Variants in ZPLD1 observed in about 807,000 individuals in gnomAD.
The protein encoded by ZPLD1 is zona pellucida-like domain-containing protein 1.
ZPLD1 carries 34 observed loss-of-function variants against 47.2 expected under a neutral mutation model. That is an observed-to-expected ratio of 0.72 (90% CI 0.55 to 0.96). The LOEUF is 0.96. Among genes scored for constraint, ZPLD1 ranks in the 40% least tolerant of loss-of-function variants. The probability of loss-of-function intolerance (pLI) is 0.00; values close to 1 mark genes in which losing one functional copy is unlikely to be tolerated. For synonymous variants in ZPLD1, 176 were observed against 186.2 expected (o/e 0.95, Z 0.45); for missense variants, 512 against 505.8 (o/e 1.01, Z -0.12).
chr3:102,427,291 G>C (rs1482129563), intron 8 of ZPLD1, among the ~76,000 whole-genome samples: 1 of 151,966 alleles, frequency 6.6e-6, no homozygotes, highest in East Asian at 1.9e-4. Context: ...ATTTTTGTCT[G>C]GAAGGAAGGA....
Position 102,456,349 on chromosome 3 carries a change from C to G in ZPLD1, c.484C>G (p.Leu162Val). Reference sequence around the variant, plus strand: ...TAGTTGTAGTTATCCATTGGAATACCTGGTTAATAATACCCAGCTTGCTTC... The same window carrying G: ...TAGTTGTAGTTATCCATTGGAATACGTGGTTAATAATACCCAGCTTGCTTC... ...KFSCSYPLEY[L>V]VNNTQLASSS... Residue 162 changes from leucine (L) to valine (V), a missense_variant, in exon 5 of 12, where the codon CTG becomes GTG. Leu to Val is a conservative substitution (Grantham distance 32). Coordinates refer to ENST00000466937, the MANE Select transcript of ZPLD1 (RefSeq NM_001329788.2). 1 of 1,612,302 alleles carries G rather than the reference C, an allele frequency of 6.2e-7. No individual in the cohort carries two copies. Among genetic ancestry groups the G allele is most frequent in the Non-Finnish European group, 8.5e-7 (1 of 1,179,276 alleles).
chr3:102,438,582 G>C lies in ZPLD1; in HGVS notation c.95G>C (p.Ser32Thr). Residue 32 changes from serine (S) to threonine (T), a missense_variant, in exon 3 of 12, where the codon AGT (serine) becomes ACT (threonine). Transcript: ENST00000466937. The part of the protein sequence containing the change: ...NGYNCDANLH[S>T]RFPAERDISV... Reference sequence around the variant, plus strand: ...TACAACTGTGATGCCAACCTCCACAGTAGATTTCCTGGTAAGTGTAAGCCT... The same window carrying C: ...TACAACTGTGATGCCAACCTCCACACTAGATTTCCTGGTAAGTGTAAGCCT... 1 of 1,612,592 alleles carries C rather than the reference G, an allele frequency of 6.2e-7. No homozygotes were observed.
intron 8 of ZPLD1, among the ~76,000 whole-genome samples, chr3:102,420,990 C>T (rs1374850523): frequency 6.6e-6 from 1 of 151,788 alleles, no homozygotes; most frequent in Non-Finnish European, 1.5e-5. Flanking sequence ...ATAAAAGTCA[C>T]CTAAGGCCAA....
rs1000445263 is a variant in ZPLD1 at position 102,421,134 on chromosome 3, G to A, written c.-9+2927G>A. On this transcript the variant is annotated intron_variant, in intron 8 of 17. Coordinates refer to the ZPLD1 transcript ENST00000491959. ...CAAAAAGTAAGAGAGACTGAAGACC[G>A]CTTATTGTCATCTATTAGAATTTAA... Among the ~76,000 whole-genome samples, 8 of 151,868 alleles carry A rather than the reference G, an allele frequency of 5.3e-5. No individual in the cohort carries two copies. In the East Asian group the frequency reaches 1.4e-3, roughly 26 times the overall value.
At chr3:102,397,161 T>A (rs1706567473) in intron 7 of ZPLD1, among the ~76,000 whole-genome samples, 1 of 152,082 alleles carries the variant, frequency 6.6e-6, no homozygotes, top group Admixed American at 6.5e-5. Context: ...TTGATTACAG[T>A]CAGAAAAAAA....
At chr3:102,416,921 T>C (rs1201518079) in intron 7 of ZPLD1, among the ~76,000 whole-genome samples, 1 of 151,980 alleles carries the variant, frequency 6.6e-6, no homozygotes, top group Non-Finnish European at 1.5e-5. Flanking sequence ...TAGAAGGCAA[T>C]GTGAATTGCT....
At chr3:102,402,807 T>C (rs1436407801) in intron 7 of ZPLD1, among the ~76,000 whole-genome samples, 1 of 152,000 alleles carries the variant, frequency 6.6e-6, no homozygotes, top group Non-Finnish European at 1.5e-5. Flanking sequence ...GTCTGCATTG[T>C]TAAATGTCAA....
At chr3:102,476,620 G>A (rs1190597071) in intron 10 of ZPLD1, among the ~76,000 whole-genome samples, 1 of 152,088 alleles carries the variant, frequency 6.6e-6, no homozygotes, top group African/African-American at 2.4e-5. Context: ...ATAACAAATA[G>A]CAGGTTATAG....
At chr3:102,408,492 A>G (rs1706716860) in intron 7 of ZPLD1, among the ~76,000 whole-genome samples, 2 of 151,870 alleles carry the variant, frequency 1.3e-5, no homozygotes, top group Non-Finnish European at 2.9e-5. Flanking sequence ...TAGCGAATAG[A>G]TATTAGGAGG....
chr3:102,406,026 T>G (rs143913581), intron 7 of ZPLD1, among the ~76,000 whole-genome samples: 3,624 of 152,108 alleles, frequency 0.024, 152 homozygotes, highest in African/African-American at 0.083. Context: ...TAACTGTCTT[T>G]GGAAATGTAA....
rs115685249 is a variant in ZPLD1 at position 102,416,243 on chromosome 3, A to G, written c.-156-1817A>G. ...TCAGCTACTTTATCTCAACTATTTTATATTTTCCTTGCTGAAAGCCTGTAA... is the reference window on the plus strand; with the variant it reads ...TCAGCTACTTTATCTCAACTATTTTGTATTTTCCTTGCTGAAAGCCTGTAA... On this transcript the variant is annotated intron_variant, in intron 7 of 17. Transcript: ENST00000491959. Among the ~76,000 whole-genome samples, 946 of 152,048 alleles carry G rather than the reference A, an allele frequency of 6.2e-3. 9 individuals are homozygous for G. Among genetic ancestry groups the G allele is most frequent in the African/African-American group, 0.021 (893 of 41,536 alleles).
chr3:102,402,264 C>G (rs1248480918), intron 7 of ZPLD1, among the ~76,000 whole-genome samples: 1 of 151,974 alleles, frequency 6.6e-6, no homozygotes, highest in African/African-American at 2.4e-5. Context: ...TTTTAAATCA[C>G]TTAAATATCT....
intron 7 of ZPLD1, among the ~76,000 whole-genome samples, chr3:102,394,144 G>C (rs758347302): frequency 6.6e-6 from 1 of 152,104 alleles, no homozygotes; most frequent in Admixed American, 6.6e-5. Context: ...CTGTAACATT[G>C]GTTCATAAAA....
At chr3:102,434,913 AC>A (rs1707063760), upstream of ZPLD1, 8 of 544,766 alleles carry the variant, frequency 1.5e-5, no homozygotes, top group Non-Finnish European at 3.3e-6. Flanking sequence ...ACTCCACTAA[AC>A]CTTTATAACC....
intron 7 of ZPLD1, among the ~76,000 whole-genome samples, chr3:102,410,475 A>T (rs974199456): frequency 6.6e-6 from 1 of 151,608 alleles, no homozygotes. Flanking sequence ...TCAAAAAAAC[A>T]TTGCTCAAAA....
At chr3:102,389,285 C>T (rs1285827655) in intron 6 of ZPLD1, among the ~76,000 whole-genome samples, 1 of 152,152 alleles carries the variant, frequency 6.6e-6, no homozygotes, top group Non-Finnish European at 1.5e-5. Flanking sequence ...AAAAGATCAA[C>T]ACATATGGTT....
At chr3:102,422,786 G>A (rs1307959133) in intron 8 of ZPLD1, among the ~76,000 whole-genome samples, 4 of 151,880 alleles carry the variant, frequency 2.6e-5, no homozygotes, top group Non-Finnish European at 4.4e-5. Flanking sequence ...ATAGGGAATA[G>A]AAACATGTGA....
At chr3:102,390,942 A>C (rs573990143) in intron 6 of ZPLD1, among the ~76,000 whole-genome samples, 1 of 152,312 alleles carries the variant, frequency 6.6e-6, no homozygotes, top group Admixed American at 6.5e-5. Context: ...CCAAGAAAAA[A>C]AAAATGTCAG....
chr3:102,409,900 A>G (rs1024310054), intron 7 of ZPLD1, among the ~76,000 whole-genome samples: 1 of 151,818 alleles, frequency 6.6e-6, no homozygotes, highest in African/African-American at 2.4e-5. Context: ...CTCAGAAAGC[A>G]TAGGGGATAA....
Sources: gnomAD v4.1 joint callset for allele counts (sites outside exome capture counted in the v4.1 genomes callset) on GRCh38, gnomAD v4.1.1 for gene constraint, MANE v1.5 for transcripts, NCBI Gene and HGNC (gene_info 2026-07-23, HGNC 2026-07-21) for gene names.